Variants in STXBP5 observed in about 807,000 individuals in gnomAD.
STXBP5 encodes syntaxin binding protein 5, also known as syntaxin-binding protein 5.
Under a neutral mutation model 152.4 loss-of-function variants are expected in STXBP5, and 50 were observed. The observed-to-expected ratio is 0.33, with a 90% confidence interval of 0.26 to 0.42. The LOEUF (loss-of-function observed/expected upper bound fraction) is 0.42. STXBP5 is among the 10% of genes least tolerant of loss of function. The pLI, the probability that STXBP5 is intolerant of heterozygous loss-of-function variation, is 1.00. For synonymous variants in STXBP5, 492 were observed against 494.7 expected (o/e 0.99, Z 0.07); for missense variants, 1,167 against 1,388.6 (o/e 0.84, Z 2.54).
At chr6:147,216,796 T>TA (rs1240714213) in intron 2 of STXBP5, among the ~76,000 whole-genome samples, 1 of 152,300 alleles carries the variant, frequency 6.6e-6, no homozygotes, top group East Asian at 1.9e-4. Context: ...GGTTTTTAAA[T>TA]AAAAAATAGC....
At chr6:147,218,341 C>T (rs898565887) in intron 2 of STXBP5, among the ~76,000 whole-genome samples, 3 of 151,952 alleles carry the variant, frequency 2.0e-5, no homozygotes, top group African/African-American at 7.3e-5. Context: ...TCGTGTAGAT[C>T]TTGTACATAT....
At chr6:147,260,031 T>C (rs1377432414) in intron 4 of STXBP5, among the ~76,000 whole-genome samples, 1 of 152,166 alleles carries the variant, frequency 6.6e-6, no homozygotes, top group African/African-American at 2.4e-5. Flanking sequence ...TGAGTACAGG[T>C]GATCTCAGTC....
chr6:147,291,873 A>G (rs144559900), intron 9 of STXBP5, among the ~76,000 whole-genome samples: 2 of 152,272 alleles, frequency 1.3e-5, no homozygotes, highest in Admixed American at 6.5e-5. Context: ...TTTATTTGCT[A>G]TAGCTATGTT....
intron 21 of STXBP5, among the ~76,000 whole-genome samples, chr6:147,341,011 T>C (rs1011447974): frequency 2.0e-5 from 3 of 152,174 alleles, no homozygotes; most frequent in East Asian, 1.9e-4. Flanking sequence ...AGTACAGTTA[T>C]GCATAATTAT....
intron 4 of STXBP5, among the ~76,000 whole-genome samples, chr6:147,259,749 AAAAAT>A (rs1562445118): frequency 1.3e-5 from 2 of 152,134 alleles, no homozygotes; most frequent in African/African-American, 4.8e-5. Context: ...CTGTAGGAAA[AAAAAT>A]AAGCATTATA....
intron 2 of STXBP5, among the ~76,000 whole-genome samples, chr6:147,229,394 T>C (rs908127606): frequency 1.3e-5 from 2 of 151,990 alleles, no homozygotes; most frequent in South Asian, 2.1e-4. Flanking sequence ...TAATGATATG[T>C]AAGTACCAGC....
At chr6:147,304,555 G>A (rs1781994199) in intron 9 of STXBP5, among the ~76,000 whole-genome samples, 1 of 152,096 alleles carries the variant, frequency 6.6e-6, no homozygotes. Context: ...CTGCCTAGTA[G>A]AGCTGTGAGA....
At chr6:147,231,058 G>A (rs919177981) in intron 2 of STXBP5, among the ~76,000 whole-genome samples, 1 of 151,458 alleles carries the variant, frequency 6.6e-6, no homozygotes, top group Admixed American at 6.6e-5. Context: ...TTAGAGTGAC[G>A]CTTGTTTTGA....
At chr6:147,324,588 C>G (rs368210458) in intron 16 of STXBP5, among the ~76,000 whole-genome samples, 1 of 151,932 alleles carries the variant, frequency 6.6e-6, no homozygotes, top group Non-Finnish European at 1.5e-5. Context: ...ACCTGCTTTT[C>G]TAACTTACAT....
chr6:147,366,623 A>G (rs1291359261), intron 25 of STXBP5, among the ~76,000 whole-genome samples: 2 of 152,044 alleles, frequency 1.3e-5, no homozygotes, highest in South Asian at 4.1e-4. Flanking sequence ...TGTCAAATCT[A>G]CCTCTCTTTC....
chr6:147,297,819 G>C (rs1017620575), intron 9 of STXBP5, among the ~76,000 whole-genome samples: 1 of 152,002 alleles, frequency 6.6e-6, no homozygotes, highest in Non-Finnish European at 1.5e-5. Context: ...GATTATTTAT[G>C]TTACACTCAT....
rs944871653 is a variant in STXBP5, at chr6:147,351,834, T to C, written c.2255-1489T>C. On this transcript the variant is annotated intron_variant, in intron 21 of 27. Coordinates refer to ENST00000321680, the MANE Select transcript of STXBP5 (RefSeq NM_001127715.4). ...ACACTGGATTTGTCATTTTTTTAGA[T>C]GTGGAAGTCATGTATGACTGGATTT... The C allele has an allele frequency of 8.1e-6, 8 of 985,266 alleles. No homozygotes were observed. The African/African-American group carries it at 1.4e-4, about 17-fold the overall frequency. The allele number at this position is 985,266 out of a possible 1,614,324, so 61.0% of individuals were successfully genotyped here.
chr6:147,265,517 A>G (rs1172844880), intron 6 of STXBP5, among the ~76,000 whole-genome samples: 1 of 152,154 alleles, frequency 6.6e-6, no homozygotes, highest in Non-Finnish European at 1.5e-5. Context: ...TAATTTGTCT[A>G]GAGGAACTGG....
At chr6:147,365,675 T>C (rs1279274657) in intron 25 of STXBP5, among the ~76,000 whole-genome samples, 1 of 152,228 alleles carries the variant, frequency 6.6e-6, no homozygotes, top group Non-Finnish European at 1.5e-5. Context: ...AAATGTTTTC[T>C]TTGGGCAATA....
intron 2 of STXBP5, among the ~76,000 whole-genome samples, chr6:147,206,837 A>G (rs12212700): frequency 0.011 from 1,605 of 152,286 alleles, 15 homozygotes; most frequent in Non-Finnish European, 0.016. Context: ...AGAACAGTAC[A>G]GACGACTCAC....
chr6:147,224,892 T>G (rs1413815693), intron 2 of STXBP5, among the ~76,000 whole-genome samples: 2 of 152,212 alleles, frequency 1.3e-5, no homozygotes, highest in Middle Eastern at 3.2e-3. Flanking sequence ...GATTTTAACT[T>G]TGTTATTGAA....
In STXBP5 at chr6:147,311,542, T is replaced by C; in HGVS notation, c.1145+15T>C. ...GCACAAAATGGGTAAGAAATAAAAT[T>C]TGGTGAGTGATTCTATCAGTATGTG... On this transcript the variant is annotated intron_variant, in intron 11 of 27. Transcript: ENST00000321680. 1 of 1,593,268 alleles carries C rather than the reference T, an allele frequency of 6.3e-7. No individual in the cohort carries two copies. Among genetic ancestry groups the C allele is most frequent in the Non-Finnish European group, 8.6e-7 (1 of 1,163,826 alleles).
intron 4 of STXBP5, among the ~76,000 whole-genome samples, chr6:147,254,404 C>T (rs935325818): frequency 6.6e-6 from 1 of 152,172 alleles, no homozygotes; most frequent in African/African-American, 2.4e-5. Flanking sequence ...GTGACTATAA[C>T]ACCAAAAGCA....
In STXBP5 at chr6:147,314,342, GTC is replaced by G. The variant is rs763498837; in HGVS notation, c.1361+13_1361+14del. 1.1e-5 allele frequency: 17 copies of G among 1,609,452 alleles called. No homozygotes were observed. In the South Asian group the frequency reaches 1.8e-4, roughly 17 times the overall value. ...AATAATTATTACAGGGTAAGTAAAA[GTC>G]TGTCTTCACCAAGTAAATCTATAAT... On this transcript the variant is annotated intron_variant, in intron 13 of 27. Coordinates refer to ENST00000321680, the MANE Select transcript of STXBP5 (RefSeq NM_001127715.4).
Sources: gnomAD v4.1 joint callset for allele counts (sites outside exome capture counted in the v4.1 genomes callset) on GRCh38, gnomAD v4.1.1 for gene constraint, MANE v1.5 for transcripts, NCBI Gene and HGNC (gene_info 2026-07-23, HGNC 2026-07-21) for gene names.